The following PAPOLA variants were observed in gnomAD, a reference collection of about 807,000 sequenced individuals.
The protein encoded by PAPOLA is poly(A) polymerase alpha.
In PAPOLA, 15 loss-of-function variants were observed where a neutral mutation model predicts 100.6. That is an observed-to-expected ratio of 0.15 (90% confidence interval 0.10 to 0.23). PAPOLA has a LOEUF of 0.23. PAPOLA is among the 10% of genes least tolerant of loss of function. The pLI, the probability that PAPOLA is intolerant of heterozygous loss-of-function variation, is 1.00. For missense variants in PAPOLA, 533 were observed against 884.2 expected (o/e 0.60, Z 5.04); for synonymous variants, 293 against 300.0 (o/e 0.98, Z 0.24).
chr14:96,559,076 C>T (rs961642116), intron 19 of PAPOLA, among the ~76,000 whole-genome samples: 2 of 150,130 alleles, frequency 1.3e-5, no homozygotes, highest in East Asian at 1.9e-4. Flanking sequence ...AGTATTTCTA[C>T]GGAGTTGATT....
rs532618724 is a variant in PAPOLA at position 96,555,921 on chromosome 14, A to T, written c.1739A>T (p.Gln580Leu). 3.3e-5 allele frequency: 53 copies of T among 1,608,942 alleles called. 1 individual carries two copies. In the South Asian group the frequency reaches 4.6e-4, roughly 14 times the overall value. The change falls in exon 18 of 22, where the codon CAA becomes CTA. Residue 580 changes from glutamine (Q) to leucine (L), a missense_variant. By Grantham distance (113) the Gln-to-Leu change is moderately radical (BLOSUM62 -2). Around this residue, in one of 9 missense-constraint regions of PAPOLA, gnomAD observed 242 missense variants for 281.0 expected, o/e 0.86. Coordinates refer to ENST00000216277, the MANE Select transcript of PAPOLA (RefSeq NM_032632.5). ...CAGGCTACTGAAGTTTCTGTGCCAC[A>T]AGTAAATTCCAGTGAAAGCTCAGGG... ...NIQATEVSVPQVNSSESSGGT... is the reference protein window; with the variant it reads ...NIQATEVSVPLVNSSESSGGT...
intron 19 of PAPOLA, among the ~76,000 whole-genome samples, chr14:96,559,002 C>T (rs574850831): frequency 1.2e-4 from 18 of 151,534 alleles, no homozygotes; most frequent in African/African-American, 4.1e-4. Flanking sequence ...ATCCCTCCCC[C>T]ACTTTTCCCT....
chr14:96,527,367 A>T, intron 4 of PAPOLA, 63 bp from the exon 5 acceptor site: 1 of 960,298 alleles, frequency 1.0e-6, no homozygotes. Context: ...TACTACCATG[A>T]TAGGATGCAA....
In PAPOLA at chr14:96,520,894, T is replaced by C. The variant is rs540735936; in HGVS notation, c.183-112T>C. 9.4e-5 allele frequency: 64 copies of C among 677,320 alleles called. No individual in the cohort carries two copies. In the African/African-American group the frequency reaches 1.1e-3, roughly 11 times the overall value. The allele number at this position is 677,320 out of a possible 1,614,324, so 42.0% of individuals were successfully genotyped here. On this transcript the variant is annotated intron_variant, in intron 2 of 21. Coordinates refer to ENST00000216277, the MANE Select transcript of PAPOLA (RefSeq NM_032632.5). ...AGCGTGCACTAACTACAATATACTG[T>C]GCTTCTGATTGCTTAAAAACTCATA... is the stretch of plus-strand genomic sequence containing the variant.
At chr14:96,544,875 A>G (rs1900263970) in intron 15 of PAPOLA, among the ~76,000 whole-genome samples, 2 of 152,026 alleles carry the variant, frequency 1.3e-5, no homozygotes, top group Admixed American at 6.6e-5. Flanking sequence ...CATAGGTGGG[A>G]AATAGGCTGA....
intron 9 of PAPOLA, chr14:96,533,932 G>T (rs560262815): frequency 1.2e-5 from 12 of 985,012 alleles, no homozygotes; most frequent in Non-Finnish European, 1.4e-5. Flanking sequence ...AGAGTGGCAG[G>T]TGTTCTCCAG....
At chr14:96,513,930 T>G (rs1163064189) in intron 1 of PAPOLA, among the ~76,000 whole-genome samples, 1 of 152,240 alleles carries the variant, frequency 6.6e-6, no homozygotes, top group African/African-American at 2.4e-5. Context: ...CTTGCTTGAC[T>G]AAGGCTCTGA....
intron 9 of PAPOLA, 169 bp downstream of exon 9, chr14:96,532,818 T>A: frequency 3.7e-6 from 5 of 1,340,240 alleles, no homozygotes; most frequent in Non-Finnish European, 3.8e-6. Context: ...CTGAAACTAT[T>A]TTTTTTCCCT....
chr14:96,533,992 A>T (rs1338108181), intron 9 of PAPOLA: 20 of 986,158 alleles, frequency 2.0e-5, no homozygotes, highest in Non-Finnish European at 2.3e-5. Context: ...TGGAACACAT[A>T]TGAAAATGTG....
chr14:96,551,280 G>A (rs1182516754), intron 16 of PAPOLA, among the ~76,000 whole-genome samples: 2 of 152,162 alleles, frequency 1.3e-5, no homozygotes, highest in Non-Finnish European at 2.9e-5. Flanking sequence ...GCAGGTAACT[G>A]TAGAACTGAA....
intron 3 of PAPOLA, among the ~76,000 whole-genome samples, chr14:96,523,974 A>C (rs1016609917): frequency 6.6e-6 from 1 of 151,788 alleles, no homozygotes; most frequent in Non-Finnish European, 1.5e-5. Context: ...TACACACATA[A>C]CTTGTCTATT....
chr14:96,507,124 T>TCAACTAGAACATATGC (rs1456278233), intron 1 of PAPOLA, among the ~76,000 whole-genome samples: 4 of 152,184 alleles, frequency 2.6e-5, no homozygotes, highest in Non-Finnish European at 5.9e-5. Context: ...GATGCCAGGT[T>TCAACTAGAACATATGC]TTCTTCATAT....
intron 16 of PAPOLA, among the ~76,000 whole-genome samples, chr14:96,552,216 C>A (rs1334462937): frequency 6.6e-6 from 1 of 152,086 alleles, no homozygotes; most frequent in Non-Finnish European, 1.5e-5. Flanking sequence ...TTGTATCTTA[C>A]AGTCAGTATG....
chr14:96,524,856 A>G (rs1238160404), intron 3 of PAPOLA, among the ~76,000 whole-genome samples: 2 of 152,204 alleles, frequency 1.3e-5, no homozygotes, highest in Non-Finnish European at 2.9e-5. Flanking sequence ...TATGATAAAA[A>G]AAATACTCTA....
chr14:96,559,575 C>CTATATATA (rs1196304057), intron 19 of PAPOLA, among the ~76,000 whole-genome samples: 7 of 113,628 alleles, frequency 6.2e-5, no homozygotes, highest in South Asian at 3.2e-4. Flanking sequence ...CTCTCTCTCT[C>CTATATATA]TCTCTCTATA....
chr14:96,544,753 A>G (rs1324936973), intron 15 of PAPOLA, among the ~76,000 whole-genome samples: 1 of 152,066 alleles, frequency 6.6e-6, no homozygotes, highest in Admixed American at 6.6e-5. Flanking sequence ...ATGGTTGTCT[A>G]GACTGAATCT....
chr14:96,547,675 G>A (rs967913838), intron 15 of PAPOLA, 122 bp from the exon 16 acceptor site: 33 of 681,692 alleles, frequency 4.8e-5, no homozygotes, highest in South Asian at 4.4e-4. Flanking sequence ...GGTCTTGACC[G>A]ATCTACAGAT....
At chr14:96,508,920 A>T (rs1397016202) in intron 1 of PAPOLA, among the ~76,000 whole-genome samples, 1 of 152,244 alleles carries the variant, frequency 6.6e-6, no homozygotes, top group Non-Finnish European at 1.5e-5. Context: ...TAAAGGTACT[A>T]AATTGTAGAT....
chr14:96,550,718 G>T (rs138541007), intron 16 of PAPOLA, among the ~76,000 whole-genome samples: 1 of 152,098 alleles, frequency 6.6e-6, no homozygotes. Flanking sequence ...TATAGCTACA[G>T]TATGATTAAA....
Sources: gnomAD v4.1 joint callset for allele counts (sites outside exome capture counted in the v4.1 genomes callset) on GRCh38, gnomAD v4.1.1 for gene constraint, gnomAD v4.1.1 regional missense constraint, MANE v1.5 for transcripts, NCBI Gene and HGNC (gene_info 2026-07-23, HGNC 2026-07-21) for gene names.